Variants in RNLS observed in about 807,000 individuals in gnomAD.
RNLS encodes the protein renalase.
In RNLS, 39 loss-of-function variants were observed where a neutral mutation model predicts 39.8. The observed-to-expected ratio is 0.98, with a 90% CI of 0.76 to 1.28. The LOEUF (loss-of-function observed/expected upper bound fraction) is 1.28, where lower values mean the gene tolerates loss of function less well. Among genes scored for constraint, RNLS ranks in the 50% most tolerant of loss-of-function variants. The pLI, the probability that RNLS is intolerant of heterozygous loss-of-function variation, is 0.00. For missense variants in RNLS, 410 were observed against 413.3 expected (o/e 0.99, Z 0.07); for synonymous variants, 147 against 150.7 (o/e 0.98, Z 0.18).
chr10:88,359,197 T>C (rs1056638380), intron 5 of RNLS, among the ~76,000 whole-genome samples: 2 of 152,080 alleles, frequency 1.3e-5, no homozygotes, highest in African/African-American at 4.8e-5. Flanking sequence ...GCACCTGTAC[T>C]CCCAGCTACT....
the RNLS span, among the ~76,000 whole-genome samples, chr10:88,172,620 C>T: frequency 1.4e-4 from 21 of 151,540 alleles, no homozygotes; most frequent in Middle Eastern, 3.4e-3. Flanking sequence ...TCTCATTCTA[C>T]GGGTTGTCTC....
chr10:88,303,761 C>T (rs973615986), intron 6 of RNLS, among the ~76,000 whole-genome samples: 1 of 152,162 alleles, frequency 6.6e-6, no homozygotes, highest in African/African-American at 2.4e-5. Context: ...GCACAGAGAA[C>T]AGCAGATCTT....
chr10:88,504,871 G>C (rs1845703440), intron 4 of RNLS, among the ~76,000 whole-genome samples: 1 of 151,490 alleles, frequency 6.6e-6, no homozygotes, highest in African/African-American at 2.4e-5. Context: ...GTGTGTGTGT[G>C]TGTGTGTGTA....
chr10:88,281,221 C>G (rs569526633), downstream of RNLS, among the ~76,000 whole-genome samples: 5 of 152,278 alleles, frequency 3.3e-5, no homozygotes, highest in Admixed American at 2.6e-4. Flanking sequence ...ACAGTAAGAA[C>G]TTATTTGTGC....
chr10:88,424,045 C>A (rs1197150950), intron 4 of RNLS, among the ~76,000 whole-genome samples: 1 of 152,216 alleles, frequency 6.6e-6, no homozygotes, highest in Non-Finnish European at 1.5e-5. Context: ...ATTTCCACCC[C>A]CTGCCCTCCC....
intron 4 of RNLS, among the ~76,000 whole-genome samples, chr10:88,495,263 T>C (rs1026600897): frequency 6.6e-6 from 1 of 152,138 alleles, no homozygotes; most frequent in Non-Finnish European, 1.5e-5. Flanking sequence ...AATATGAAAG[T>C]TATCTTTCTA....
chr10:88,438,000 C>T (rs1841507006), intron 4 of RNLS, among the ~76,000 whole-genome samples: 1 of 152,076 alleles, frequency 6.6e-6, no homozygotes, highest in Admixed American at 6.5e-5. Flanking sequence ...GTAGCACATG[C>T]CTGTAATCCC....
chr10:88,370,608 G>C (rs994278664), intron 4 of RNLS, among the ~76,000 whole-genome samples: 1 of 152,112 alleles, frequency 6.6e-6, no homozygotes, highest in African/African-American at 2.4e-5. Context: ...TTCCAAGAAC[G>C]TCAAGAAATG....
intron 6 of RNLS, among the ~76,000 whole-genome samples, chr10:88,302,351 T>A (rs1244436950): frequency 2.6e-5 from 4 of 152,252 alleles, no homozygotes. Flanking sequence ...GTACTCTAAC[T>A]GATAAACACA....
At chr10:88,496,664 A>G (rs1845192209) in intron 4 of RNLS, among the ~76,000 whole-genome samples, 1 of 152,120 alleles carries the variant, frequency 6.6e-6, no homozygotes, top group African/African-American at 2.4e-5. Context: ...AACAGACAAC[A>G]CACAGCATTC....
At chr10:88,230,034 G>A in the RNLS span, among the ~76,000 whole-genome samples, 17 of 152,254 alleles carry the variant, frequency 1.1e-4, no homozygotes, top group East Asian at 2.5e-3. Context: ...GGATGATGTG[G>A]ACAAATGGAG....
chr10:88,300,435 G>A (rs1257037805), intron 6 of RNLS, among the ~76,000 whole-genome samples: 2 of 152,138 alleles, frequency 1.3e-5, no homozygotes, highest in African/African-American at 4.8e-5. Flanking sequence ...AGTATTCTTT[G>A]CCTCTTTTGC....
chr10:88,175,862 G>A, the RNLS span, among the ~76,000 whole-genome samples: 1 of 152,138 alleles, frequency 6.6e-6, no homozygotes, highest in Middle Eastern at 3.4e-3. Context: ...CTATTGTATT[G>A]GAGTCTATTT....
intron 6 of RNLS, chr10:88,309,581 A>G: frequency 1.5e-6 from 1 of 687,428 alleles, no homozygotes; most frequent in Non-Finnish European, 2.3e-6. Flanking sequence ...ATCAGCTGGA[A>G]AAGGCCTGAA....
At chr10:88,382,686 A>G (rs1269674571) in intron 4 of RNLS, among the ~76,000 whole-genome samples, 1 of 152,130 alleles carries the variant, frequency 6.6e-6, no homozygotes, top group East Asian at 1.9e-4. Flanking sequence ...ATTGTTGATT[A>G]AAAGACAAGG....
At chr10:88,414,189 C>T (rs139408356) in intron 4 of RNLS, among the ~76,000 whole-genome samples, 24 of 151,226 alleles carry the variant, frequency 1.6e-4, no homozygotes, top group African/African-American at 5.8e-4. Context: ...GTATCATTAC[C>T]ATTGCAAGAG....
intron 4 of RNLS, among the ~76,000 whole-genome samples, chr10:88,365,835 T>C (rs1283410535): frequency 6.6e-6 from 1 of 152,034 alleles, no homozygotes; most frequent in Admixed American, 6.6e-5. Flanking sequence ...CTGGCTGTAC[T>C]CCTGAATAAC....
intron 4 of RNLS, among the ~76,000 whole-genome samples, chr10:88,470,079 T>C (rs1291987104): frequency 1.3e-5 from 2 of 152,116 alleles, no homozygotes; most frequent in Non-Finnish European, 2.9e-5. Context: ...TAGTTTCTTA[T>C]TGCCCAAAGT....
At chr10:88,468,567 G>A (rs1008293901) in intron 4 of RNLS, among the ~76,000 whole-genome samples, 5 of 149,510 alleles carry the variant, frequency 3.3e-5, no homozygotes, top group Non-Finnish European at 6.0e-5. Context: ...TCTTGTAACT[G>A]GATGTGTCCT....
Sources: allele counts gnomAD v4.1 joint callset (sites outside exome capture counted in the v4.1 genomes callset), GRCh38; gene constraint gnomAD v4.1.1; transcripts MANE v1.5; gene names NCBI Gene and HGNC (gene_info 2026-07-23, HGNC 2026-07-21).